Variants in MAMDC2 observed in about 807,000 individuals in gnomAD.
The protein encoded by MAMDC2 is MAM domain containing 2.
Under a neutral mutation model 89.8 loss-of-function variants are expected in MAMDC2, and 57 were observed. The observed-to-expected ratio is 0.63, with a 90% CI of 0.51 to 0.79. MAMDC2 has a LOEUF of 0.79. Among genes scored for constraint, MAMDC2 ranks in the 30% least tolerant of loss-of-function variants. The pLI, the probability that MAMDC2 is intolerant of heterozygous loss-of-function variation, is 0.00. For synonymous variants in MAMDC2, 313 were observed against 293.4 expected (o/e 1.07, Z -0.68); for missense variants, 800 against 820.6 (o/e 0.97, Z 0.31).
intron 2 of MAMDC2, among the ~76,000 whole-genome samples, chr9:70,052,111 T>A (rs1301677546): frequency 6.6e-6 from 1 of 152,150 alleles, no homozygotes; most frequent in Non-Finnish European, 1.5e-5. Context: ...ACTAACAGAC[T>A]CCCTAGGTGA....
intron 11 of MAMDC2, among the ~76,000 whole-genome samples, chr9:70,204,572 G>T (rs1198298759): frequency 4.2e-4 from 64 of 150,768 alleles, no homozygotes; most frequent in Non-Finnish European, 1.5e-4. Flanking sequence ...CTTGAGCTGT[G>T]GTGGGCTCCA....
intron 11 of MAMDC2, among the ~76,000 whole-genome samples, chr9:70,205,474 G>C (rs547748747): frequency 6.6e-6 from 1 of 152,258 alleles, no homozygotes; most frequent in South Asian, 2.1e-4. Flanking sequence ...AATGCAGCTA[G>C]CTGTCCATTC....
At chr9:70,075,822 G>A (rs1458861620) in intron 2 of MAMDC2, among the ~76,000 whole-genome samples, 1 of 152,222 alleles carries the variant, frequency 6.6e-6, no homozygotes, top group East Asian at 1.9e-4. Context: ...AGGAGACCAG[G>A]ATGAGCCCAT....
chr9:70,136,699 G>A (rs762129303), intron 7 of MAMDC2, among the ~76,000 whole-genome samples: 5 of 152,182 alleles, frequency 3.3e-5, no homozygotes, highest in African/African-American at 7.2e-5. Context: ...TACTGTTTTC[G>A]TGCATGGCAC....
intron 2 of MAMDC2, among the ~76,000 whole-genome samples, chr9:70,084,838 C>T (rs1827731670): frequency 1.3e-5 from 2 of 151,912 alleles, no homozygotes; most frequent in South Asian, 4.2e-4. Context: ...CCACTGGTAA[C>T]AGTACGTGGC....
rs2975912 is a variant in MAMDC2, at chr9:70,066,098, C to T, written c.148+21401C>T. ...AAATAATCATATATGGTATCGTGTCCTATGAAAAATTAGGGTAAGAGGATA... is the reference window on the plus strand; with the variant it reads ...AAATAATCATATATGGTATCGTGTCTTATGAAAAATTAGGGTAAGAGGATA... On this transcript the variant is annotated intron_variant, in intron 2 of 13. Coordinates refer to ENST00000377182, the MANE Select transcript of MAMDC2 (RefSeq NM_153267.5). Among the ~76,000 whole-genome samples the T allele has an allele frequency of 7.3e-3, 1,105 of 152,180 alleles. 17 individuals carry two copies. The highest frequency in any genetic ancestry group is 0.025 in the African/African-American group (1,049 of 41,508).
intron 11 of MAMDC2, among the ~76,000 whole-genome samples, chr9:70,189,236 G>C (rs1228236732): frequency 6.6e-6 from 1 of 152,164 alleles, no homozygotes; most frequent in Non-Finnish European, 1.5e-5. Flanking sequence ...TTAGTAGCTA[G>C]TGATGAATTT....
intron 11 of MAMDC2, among the ~76,000 whole-genome samples, chr9:70,199,422 T>C (rs1005730149): frequency 2.7e-5 from 4 of 148,482 alleles, no homozygotes; most frequent in African/African-American, 9.9e-5. Flanking sequence ...GGTGTATATG[T>C]GCCACATTTT....
At chr9:70,217,804 A>G (rs951574250) in intron 11 of MAMDC2, 31 of 663,250 alleles carry the variant, frequency 4.7e-5, no homozygotes, top group Non-Finnish European at 7.0e-5. Context: ...TGGAATATGC[A>G]TAACATGTGA....
chr9:70,131,367 C>T, intron 6 of MAMDC2, 152 bp from the exon 7 acceptor site: 1 of 581,242 alleles, frequency 1.7e-6, no homozygotes, highest in East Asian at 3.1e-5. Context: ...GAGGAGGGTG[C>T]TGCCCAAACT....
intron 11 of MAMDC2, chr9:70,216,318 A>T (rs1056000495): frequency 2.6e-5 from 4 of 152,214 alleles, no homozygotes; most frequent in Admixed American, 2.6e-4. Flanking sequence ...AAAGTCCAAC[A>T]TCAAGGTGCC....
Position 70,143,690 on chromosome 9 carries a change from T to A in MAMDC2, c.1275T>A (p.Ser425Arg). The change falls in exon 9 of 14, where the codon AGT (serine) becomes AGA (arginine). Residue 425 changes from serine (S) to arginine (R), a missense_variant. Ser to Arg is a moderately radical substitution (Grantham distance 110, BLOSUM62 -1). Coordinates refer to ENST00000377182, the MANE Select transcript of MAMDC2 (RefSeq NM_153267.5). ...HYAIYGFLKM[S>R]DTLAVYIFEE... ...CCATCTATGGATTTTTAAAAATGAG[T>A]GACACCCTAGCAGTTTACATCTTTG... 1 of 1,614,180 alleles carries A rather than the reference T, an allele frequency of 6.2e-7. No homozygotes were observed. Among genetic ancestry groups the A allele is most frequent in the African/African-American group, 1.3e-5 (1 of 75,048 alleles).
chr9:70,141,332 A>G (rs143298367), intron 8 of MAMDC2, among the ~76,000 whole-genome samples: 228 of 152,304 alleles, frequency 1.5e-3, no homozygotes, highest in Admixed American at 2.6e-3. Flanking sequence ...AAGACTCACC[A>G]TACTCTCAGT....
intron 2 of MAMDC2, among the ~76,000 whole-genome samples, chr9:70,101,964 G>A (rs1286853224): frequency 2.6e-5 from 4 of 152,174 alleles, no homozygotes; most frequent in African/African-American, 4.8e-5. Context: ...GGTTTTATAC[G>A]TATTATGCCA....
chr9:70,089,823 A>C (rs2118170419), intron 2 of MAMDC2, among the ~76,000 whole-genome samples: 1 of 152,332 alleles, frequency 6.6e-6, no homozygotes, highest in South Asian at 2.1e-4. Context: ...TTAGCACATG[A>C]CTTGACCCAT....
chr9:70,193,145 G>C (rs1487692830), intron 11 of MAMDC2, among the ~76,000 whole-genome samples: 5 of 152,094 alleles, frequency 3.3e-5, no homozygotes, highest in Non-Finnish European at 7.4e-5. Context: ...CAAAGACTCT[G>C]TCAACCATCA....
At chr9:70,100,084 G>A (rs1308790175) in intron 2 of MAMDC2, among the ~76,000 whole-genome samples, 1 of 151,850 alleles carries the variant, frequency 6.6e-6, no homozygotes, top group African/African-American at 2.4e-5. Context: ...GGTCCAAAGT[G>A]AGATGACGAG....
At position 70,108,396 on chromosome 9, in the gene MAMDC2, G is replaced by A. The variant is rs1828402900; in HGVS notation, c.334G>A (p.Asp112Asn). The A allele has an allele frequency of 1.5e-5, 25 of 1,613,994 alleles. No individual in the cohort carries two copies. Among genetic ancestry groups the A allele is most frequent in the Non-Finnish European group, 2.0e-5 (24 of 1,179,984 alleles). ...LYMRFEDESFDRLLWSAKEPS... is the reference protein window; with the variant it reads ...LYMRFEDESFNRLLWSAKEPS... ...CATGAGATTTGAAGATGAAAGCTTT[G>A]ATCGCTTGCTTTGGTCAGCTAAGGA... The change falls in exon 3 of 14, where the codon GAT becomes AAT. Residue 112 changes from aspartate to asparagine, a missense_variant. By Grantham distance (23) the Asp-to-Asn change is conservative. Transcript: ENST00000377182.
At chr9:70,109,676 A>G in intron 3 of MAMDC2, 44 bp from the exon 4 acceptor site, 1 of 1,455,734 alleles carries the variant, frequency 6.9e-7, no homozygotes, top group Non-Finnish European at 9.6e-7. Flanking sequence ...AGGAAACATG[A>G]TGTTTTGAAG....
Sources: gnomAD v4.1 joint callset for allele counts (sites outside exome capture counted in the v4.1 genomes callset) on GRCh38, gnomAD v4.1.1 for gene constraint, MANE v1.5 for transcripts, NCBI Gene and HGNC (gene_info 2026-07-23, HGNC 2026-07-21) for gene names.